LIN28B: variants seen among roughly 807,000 people sequenced by gnomAD.
LIN28B encodes lin-28 RNA binding posttranscriptional regulator B, also known as protein lin-28 homolog B.
In LIN28B, 5 loss-of-function variants were observed where a neutral mutation model predicts 21.9. That is an observed-to-expected ratio of 0.23 (90% CI 0.12 to 0.48). The LOEUF (loss-of-function observed/expected upper bound fraction) is 0.48, where lower values mean the gene tolerates loss of function less well. Ranked by LOEUF, LIN28B falls within the 20% of genes least tolerant of loss-of-function variation. The pLI is 0.98. For synonymous variants in LIN28B, 109 were observed against 111.3 expected, an observed-to-expected ratio of 0.98 and a Z score of 0.13; for missense variants, 245 against 310.5, an observed-to-expected ratio of 0.79 and a Z score of 1.58.
intron 2 of LIN28B, among the ~76,000 whole-genome samples, chr6:104,993,663 C>T (rs943592658): frequency 6.6e-6 from 1 of 151,656 alleles, no homozygotes; most frequent in Admixed American, 6.6e-5. Context: ...TGGTGAAACC[C>T]TATCTCTACA....
chr6:104,994,195 G>A (rs574312796), intron 2 of LIN28B, among the ~76,000 whole-genome samples: 2 of 152,076 alleles, frequency 1.3e-5, no homozygotes, highest in South Asian at 4.2e-4. Context: ...TAGTAGAGAC[G>A]GCATTTCACT....
intron 2 of LIN28B, among the ~76,000 whole-genome samples, chr6:105,008,614 A>G (rs941820468): frequency 2.0e-5 from 3 of 151,646 alleles, no homozygotes; most frequent in African/African-American, 7.3e-5. Context: ...ACTGCACTCC[A>G]GCCTGGGCGA....
chr6:104,940,745 G>T (rs1012993460), intron 2 of LIN28B: 7 of 151,174 alleles, frequency 4.6e-5, no homozygotes, highest in African/African-American at 1.7e-4. Flanking sequence ...CCGGGCTGCG[G>T]CGGCGGAGTG....
intron 2 of LIN28B, among the ~76,000 whole-genome samples, chr6:104,972,852 T>C (rs1770006727): frequency 6.6e-6 from 1 of 152,162 alleles, no homozygotes; most frequent in East Asian, 1.9e-4. Context: ...GGCTCATGCC[T>C]GTAATCCCAG....
chr6:105,001,398 T>C (rs1429516247), intron 2 of LIN28B, among the ~76,000 whole-genome samples: 3 of 152,238 alleles, frequency 2.0e-5, no homozygotes, highest in Non-Finnish European at 2.9e-5. Context: ...CATTGGACCA[T>C]CTATCTACAT....
At chr6:104,991,524 C>A (rs1424861071) in intron 2 of LIN28B, among the ~76,000 whole-genome samples, 198 of 150,946 alleles carry the variant, frequency 1.3e-3, no homozygotes, top group Non-Finnish European at 2.3e-3. Context: ...TCCTCACTTC[C>A]CAGACTGGGC....
intron 2 of LIN28B, among the ~76,000 whole-genome samples, chr6:104,949,432 G>A (rs1369398818): frequency 6.6e-6 from 1 of 152,052 alleles, no homozygotes. Context: ...AATCTAACTC[G>A]GTGGGATTGT....
chr6:105,020,747 CTTTTTTT>C (rs1176851045), intron 2 of LIN28B, among the ~76,000 whole-genome samples: 3 of 85,386 alleles, frequency 3.5e-5, no homozygotes, highest in Non-Finnish European at 6.3e-5. Flanking sequence ...TCATTCCACT[CTTTTTTT>C]TTTTTTTTTT....
chr6:105,043,157 T>C (rs767273016), intron 3 of LIN28B, among the ~76,000 whole-genome samples: 1 of 152,070 alleles, frequency 6.6e-6, no homozygotes, highest in Non-Finnish European at 1.5e-5. Flanking sequence ...CCAGACGTTA[T>C]GGCTCATGCC....
chr6:105,074,083 A>G (rs1457617637), intron 3 of LIN28B, among the ~76,000 whole-genome samples: 1 of 152,218 alleles, frequency 6.6e-6, no homozygotes, highest in African/African-American at 2.4e-5. Flanking sequence ...TTAAAAACTC[A>G]TGTAATTACT....
intron 2 of LIN28B, among the ~76,000 whole-genome samples, chr6:105,018,535 A>G (rs1486822915): frequency 1.3e-5 from 2 of 152,154 alleles, no homozygotes; most frequent in Non-Finnish European, 2.9e-5. Flanking sequence ...TAAAGCTTCT[A>G]TAATGCTTCT....
intron 2 of LIN28B, among the ~76,000 whole-genome samples, chr6:104,949,079 T>C (rs1483550121): frequency 6.6e-6 from 1 of 152,246 alleles, no homozygotes; most frequent in East Asian, 1.9e-4. Flanking sequence ...TATTTACACA[T>C]CTTTAAAATA....
chr6:104,992,516 T>G (rs390445), intron 2 of LIN28B, among the ~76,000 whole-genome samples: 3,776 of 45,316 alleles, frequency 0.083, 64 homozygotes, highest in Admixed American at 0.17. Flanking sequence ...GTGTGTGTGT[T>G]TTTTTTTTAA....
chr6:105,042,013 A>C, intron 3 of LIN28B, among the ~76,000 whole-genome samples: 1 of 152,220 alleles, frequency 6.6e-6, no homozygotes, highest in East Asian at 1.9e-4. Flanking sequence ...TAGAATTCCC[A>C]GCAATTCTCA....
chr6:104,952,615 A>G (rs546241314), upstream of LIN28B, among the ~76,000 whole-genome samples: 3 of 152,246 alleles, frequency 2.0e-5, no homozygotes, highest in East Asian at 5.8e-4. Context: ...ATTTTGTTGT[A>G]AATATTTTGC....
chr6:105,051,722 A>C (rs760073394), intron 3 of LIN28B, among the ~76,000 whole-genome samples: 1 of 50,376 alleles, frequency 2.0e-5, no homozygotes, highest in African/African-American at 5.9e-5. Context: ...CTTTCCCTCT[A>C]TCTCAGTTTC....
At position 105,067,190 on chromosome 6, in the gene LIN28B, TTAAA is replaced by T. The variant is rs1772234854; in HGVS notation, c.384-11221_384-11218del. ...CTAATTTTAACCATTTCAAGATAAGTTAAATATTGAACGTCTTCCCTTCCTTTCA... is the reference window on the plus strand; with the variant it reads ...CTAATTTTAACCATTTCAAGATAAGTTATTGAACGTCTTCCCTTCCTTTCA... On this transcript the variant is annotated intron_variant, in intron 3 of 3. Coordinates refer to ENST00000345080, the MANE Select transcript of LIN28B (RefSeq NM_001004317.4). Among the ~76,000 whole-genome samples, 6 of 152,312 alleles carry T rather than the reference TTAAA, an allele frequency of 3.9e-5. 1 individual carries two copies. In the East Asian group the frequency reaches 1.2e-3, roughly 29 times the overall value.
chr6:105,003,915 A>G (rs1770765816), intron 2 of LIN28B, among the ~76,000 whole-genome samples: 1 of 152,192 alleles, frequency 6.6e-6, no homozygotes, highest in African/African-American at 2.4e-5. Flanking sequence ...GACAACACTA[A>G]TAGGATAGAT....
chr6:104,952,596 C>G (rs1214686032), upstream of LIN28B, among the ~76,000 whole-genome samples: 2 of 152,170 alleles, frequency 1.3e-5, no homozygotes, highest in Admixed American at 1.3e-4. Flanking sequence ...AATAATGCTC[C>G]TTTTCTGAAT....
Sources: gnomAD v4.1 joint callset for allele counts (sites outside exome capture counted in the v4.1 genomes callset) on GRCh38, gnomAD v4.1.1 for gene constraint, MANE v1.5 for transcripts, NCBI Gene and HGNC (gene_info 2026-07-23, HGNC 2026-07-21) for gene names.